Variants in FMO5 observed in about 807,000 individuals in gnomAD.
The protein encoded by FMO5 is flavin containing dimethylaniline monoxygenase 5.
In FMO5, 51 loss-of-function variants were observed where a neutral mutation model predicts 43.6. The observed-to-expected ratio is 1.17, with a 90% CI of 0.93 to 1.48. FMO5 has a LOEUF of 1.48. Ranked by LOEUF, FMO5 falls within the 40% of genes most tolerant of loss-of-function variation. The pLI is 0.00. For synonymous variants in FMO5, 187 were observed against 216.5 expected, an observed-to-expected ratio of 0.86 and a Z score of 1.20; for missense variants, 644 against 643.0, an observed-to-expected ratio of 1.00 and a Z score of -0.02.
At chr1:147,211,720 T>C in intron 5 of FMO5, among the ~76,000 whole-genome samples, 1 of 152,188 alleles carries the variant, frequency 6.6e-6, no homozygotes, top group East Asian at 1.9e-4. Context: ...GACACTTGCT[T>C]CTCAGTTCAA....
At chr1:147,208,718 C>T (rs1051152483) in intron 6 of FMO5, 134 bp downstream of exon 6, 8 of 666,004 alleles carry the variant, frequency 1.2e-5, no homozygotes, top group South Asian at 5.4e-5. Context: ...GGATTACAGG[C>T]GTGAGCCACC....
intron 3 of FMO5, 73 bp downstream of exon 3, chr1:147,215,681 G>T: frequency 2.7e-6 from 3 of 1,100,022 alleles, no homozygotes; most frequent in Non-Finnish European, 4.0e-6. Flanking sequence ...AGTAAACATT[G>T]GTAACTGAAA....
chr1:147,184,478 A>C (rs1325871942), downstream of FMO5: 6 of 1,505,750 alleles, frequency 4.0e-6, no homozygotes, highest in South Asian at 8.0e-5. This position sits in a 1 kb window ranked among gnomAD's most constrained non-coding sequence, Gnocchi z 4.4. Context: ...AGGATACTAC[A>C]TTACATTTAG....
At chr1:147,209,971 G>A (rs1660825968) in intron 5 of FMO5, 1 of 152,144 alleles carries the variant, frequency 6.6e-6, no homozygotes, top group Non-Finnish European at 1.5e-5. Flanking sequence ...GTTTTCTCAA[G>A]GATAGGAGAT....
At chr1:147,189,001 T>C (rs72708563) in intron 8 of FMO5, among the ~76,000 whole-genome samples, 5,595 of 152,136 alleles carry the variant, frequency 0.037, 144 homozygotes, top group South Asian at 0.095. Context: ...TCCGGCCAGG[T>C]ACGGTGGCTC....
chr1:147,225,259 A>G (rs1164312878), intron 1 of FMO5, 28 bp downstream of exon 1: 2 of 1,167,734 alleles, frequency 1.7e-6, no homozygotes, highest in African/African-American at 3.1e-5. Context: ...CAGAGCTGAG[A>G]GTGCTCTGCT....
chr1:147,223,969 G>T (rs1663533893), intron 2 of FMO5: 1 of 403,224 alleles, frequency 2.5e-6, no homozygotes, highest in South Asian at 1.9e-5. Flanking sequence ...TTCCAGCAGG[G>T]GTTAACACAA....
At chr1:147,184,581 G>T, downstream of FMO5, 1 of 1,548,404 alleles carries the variant, frequency 6.5e-7, no homozygotes, top group Non-Finnish European at 8.7e-7. This position sits in a 1 kb window ranked among gnomAD's most constrained non-coding sequence, Gnocchi z 4.4. Flanking sequence ...TCAGGTATTT[G>T]TAGAATATTC....
chr1:147,217,245 A>AC (rs1662178347), intron 2 of FMO5, among the ~76,000 whole-genome samples: 1 of 151,360 alleles, frequency 6.6e-6, no homozygotes, highest in Non-Finnish European at 1.5e-5. Flanking sequence ...GTCTACAAAA[A>AC]AAAGAAAAAG....
chr1:147,193,829 T>C (rs146607696), intron 7 of FMO5, among the ~76,000 whole-genome samples: 5,616 of 152,144 alleles, frequency 0.037, 157 homozygotes, highest in South Asian at 0.095. Context: ...GAGTGAGTTT[T>C]TTAGTCCTGA....
At chr1:147,193,587 A>C (rs1657332562) in intron 7 of FMO5, among the ~76,000 whole-genome samples, 1 of 151,902 alleles carries the variant, frequency 6.6e-6, no homozygotes, top group South Asian at 2.1e-4. Flanking sequence ...TAGTTCTTTT[A>C]ATTGTGATGT....
At chr1:147,218,736 A>C (rs1559676473) in intron 2 of FMO5, among the ~76,000 whole-genome samples, 2 of 152,164 alleles carry the variant, frequency 1.3e-5, no homozygotes, top group Admixed American at 6.6e-5. Context: ...TTTAATCTCA[A>C]ATTTCTAAGT....
intron 6 of FMO5, chr1:147,205,018 A>C: frequency 1.4e-6 from 1 of 740,480 alleles, no homozygotes; most frequent in Non-Finnish European, 2.4e-6. Flanking sequence ...ACCTGGAGAT[A>C]CATTCAGTCA....
chr1:147,224,159 C>G (rs1663585795), intron 2 of FMO5: 1 of 287,344 alleles, frequency 3.5e-6, no homozygotes, highest in Non-Finnish European at 6.9e-6. Context: ...CACGACGTTG[C>G]CTTCACACAG....
rs370055971 is a variant in FMO5, at chr1:147,201,514, G to A, written c.831-10C>T. ...ATGCTGACTCAGAGCTCTGTGAGTC[G>A]TGACAAAGATCAAGTGGAGAAATGA... On this transcript the variant is annotated splice_polypyrimidine_tract_variant and intron_variant, in intron 6 of 8. Transcript: ENST00000254090. 177 of 1,587,850 alleles carry A rather than the reference G, an allele frequency of 1.1e-4. No individual in the cohort carries two copies. Among genetic ancestry groups the A allele is most frequent in the Middle Eastern group, 3.3e-4 (2 of 6,016 alleles).
intron 7 of FMO5, among the ~76,000 whole-genome samples, chr1:147,196,983 A>G (rs1658126895): frequency 6.6e-6 from 1 of 150,902 alleles, no homozygotes; most frequent in Admixed American, 6.6e-5. Context: ...TTCCCATTTC[A>G]CTCCTCTCTA....
intron 3 of FMO5, among the ~76,000 whole-genome samples, chr1:147,214,459 C>CAAAA (rs782281901): frequency 6.7e-6 from 1 of 149,166 alleles, no homozygotes; most frequent in South Asian, 2.1e-4. Flanking sequence ...TGAAAAAAAA[C>CAAAA]AAAAAACAAA....
intron 6 of FMO5, among the ~76,000 whole-genome samples, chr1:147,203,114 C>CTTTTTTT (rs142319990): frequency 6.8e-6 from 1 of 147,746 alleles, no homozygotes; most frequent in Non-Finnish European, 1.5e-5. Context: ...CAAAGGTTTC[C>CTTTTTTT]TTTTTTTTTT....
chr1:147,214,605 C>T (rs587750972), intron 3 of FMO5, among the ~76,000 whole-genome samples: 1 of 152,232 alleles, frequency 6.6e-6, no homozygotes, highest in South Asian at 2.1e-4. Context: ...TAGACTCCTA[C>T]TCATCCTTCA....
Sources: allele counts gnomAD v4.1 joint callset (sites outside exome capture counted in the v4.1 genomes callset), GRCh38; gene constraint gnomAD v4.1.1; non-coding constraint Gnocchi (gnomAD v3.1); transcripts MANE v1.5; gene names NCBI Gene and HGNC (gene_info 2026-07-23, HGNC 2026-07-21).